The following KCNA6 variants were observed in gnomAD, a reference collection of about 807,000 sequenced individuals.
The protein encoded by KCNA6 is human brain potassium channel-2.
KCNA6 carries 17 observed loss-of-function variants against 29.5 expected under a neutral mutation model. The ratio of observed to expected loss-of-function variants is 0.58; its 90% CI spans 0.39 to 0.86. The LOEUF (loss-of-function observed/expected upper bound fraction) is 0.86. Ranked by LOEUF, KCNA6 falls within the 40% of genes least tolerant of loss-of-function variation. The pLI, the probability that KCNA6 is intolerant of heterozygous loss-of-function variation, is 0.00. For synonymous variants in KCNA6, 296 were observed against 304.7 expected (o/e 0.97, Z 0.30); for missense variants, 450 against 703.4 (o/e 0.64, Z 4.07).
At chr12:4,831,179 G>T in the KCNA6 span, among the ~76,000 whole-genome samples, 1 of 152,204 alleles carries the variant, frequency 6.6e-6, no homozygotes, top group African/African-American at 2.4e-5. Flanking sequence ...ATATGGGACC[G>T]ACGAGCTCTC....
the KCNA6 span, among the ~76,000 whole-genome samples, chr12:4,830,499 C>A: frequency 2.0e-5 from 3 of 152,316 alleles, no homozygotes; most frequent in African/African-American, 7.2e-5. Context: ...ACTCCGGACA[C>A]CTGGCCAATG....
Position 4,811,360 on chromosome 12 carries a change from C to T in KCNA6, c.1319C>T (p.Ser440Leu), listed in dbSNP as rs1348444167. 2.5e-6 allele frequency: 4 copies of T among 1,613,860 alleles called. No homozygotes were observed. Among genetic ancestry groups the T allele is most frequent in the Non-Finnish European group, 3.4e-6 (4 of 1,179,882 alleles). Residue 440 changes from serine to leucine, a missense_variant, in exon 1 of 1, where the codon TCG (serine) becomes TTG (leucine). Physicochemically the swap from Ser to Leu is moderately radical, Grantham distance 145 (BLOSUM62 -2). This residue lies in a region of KCNA6 where 57 missense variants were observed against 140.3 expected (regional missense o/e 0.41). Coordinates refer to ENST00000280684, the Ensembl canonical transcript of KCNA6. The surrounding 1 kb of genome is among the most constrained non-coding windows in gnomAD (Gnocchi z 7.1). ...ACTGTGGGGGGAAAGATCGTGGGCT[C>T]GCTGTGTGCCATCGCTGGGGTCCTC...
rs1421063498 is a variant in KCNA6 at position 4,811,741 on chromosome 12, C to G, written c.*110C>G. The G allele has an allele frequency of 3.9e-6, 5 of 1,273,482 alleles. No homozygotes were observed. The African/African-American group carries it at 4.5e-5, about 11-fold the overall frequency. The allele number at this position is 1,273,482 out of a possible 1,614,324, so 78.9% of individuals were successfully genotyped here. A position where few individuals can be genotyped will look rare whatever the true frequency, so the allele number is the denominator to read the frequency against. On this transcript the variant is annotated 3_prime_UTR_variant, in exon 1 of 1. Transcript: ENST00000280684. This position sits in a 1 kb window ranked among gnomAD's most constrained non-coding sequence, Gnocchi z 7.1. The stretch of plus-strand genomic sequence containing the variant: ...TTCAGTTGACTTCTTGACTCTCTCC[C>G]CTACACCCACTACCTGGCATCCAGG...
At chr12:4,838,652 G>A in the KCNA6 span, among the ~76,000 whole-genome samples, 9 of 152,200 alleles carry the variant, frequency 5.9e-5, no homozygotes, top group Non-Finnish European at 4.4e-5. Context: ...TACACTTGGA[G>A]GCTTCAATAA....
chr12:4,831,597 A>G, the KCNA6 span, among the ~76,000 whole-genome samples: 91 of 152,306 alleles, frequency 6.0e-4, no homozygotes, highest in Non-Finnish European at 1.1e-3. Flanking sequence ...GTAAATGCCA[A>G]AAAGAATTGG....
chr12:4,830,919 C>G, the KCNA6 span, among the ~76,000 whole-genome samples: 30 of 152,226 alleles, frequency 2.0e-4, no homozygotes, highest in Non-Finnish European at 4.4e-5. Flanking sequence ...GAAGCCACCC[C>G]CTAGCAGACT....
the KCNA6 span, among the ~76,000 whole-genome samples, chr12:4,831,305 G>A: frequency 6.6e-6 from 1 of 152,138 alleles, no homozygotes; most frequent in African/African-American, 2.4e-5. Flanking sequence ...GCATTGTCAG[G>A]CAGCTATCAG....
downstream of KCNA6, among the ~76,000 whole-genome samples, chr12:4,816,538 A>G (rs937814171): frequency 1.3e-5 from 2 of 152,134 alleles, no homozygotes; most frequent in African/African-American, 4.8e-5. Context: ...AAAAGTTCCC[A>G]CAAACTAAAA....
chr12:4,810,073 C>A lies in KCNA6; in HGVS notation c.32C>A (p.Ala11Glu). The change falls in exon 1 of 1, where the codon GCG becomes GAG. Residue 11 changes from alanine (A) to glutamate (E), a missense_variant. Ala to Glu is a moderately radical substitution (Grantham distance 107, BLOSUM62 -1). Around this residue, in one of 7 missense-constraint regions of KCNA6, gnomAD observed 72 missense variants for 64.2 expected, o/e 1.12. Coordinates refer to ENST00000280684, the Ensembl canonical transcript of KCNA6. This position sits in a 1 kb window ranked among gnomAD's most constrained non-coding sequence, Gnocchi z 7.5. ...TCGGAGAAATCCCTTACGCTGGCGG[C>A]GCCGGGGGAGGTCCGTGGGCCGGAG... 6.5e-7 allele frequency: 1 copy of A among 1,548,954 alleles called. No homozygotes were observed. The highest frequency in any genetic ancestry group is 1.4e-5 in the African/African-American group (1 of 73,736).
rs1400476551 is a variant in KCNA6 at position 4,811,558 on chromosome 12, G to A, written c.1517G>A (p.Arg506Gln). ...AAGCCTGACTTCCCCGAGGCTAACCGGGAACGGAGACCCAGCTACCTTCCT... is the reference window on the plus strand; with the variant it reads ...AAGCCTGACTTCCCCGAGGCTAACCAGGAACGGAGACCCAGCTACCTTCCT... The change falls in exon 1 of 1, where the codon CGG becomes CAG. Residue 506 changes from arginine to glutamine, a missense_variant. By Grantham distance (43) the Arg-to-Gln change is conservative. Coordinates refer to ENST00000280684, the Ensembl canonical transcript of KCNA6. The surrounding 1 kb of genome is among the most constrained non-coding windows in gnomAD (Gnocchi z 7.1). 12 of 1,614,072 alleles carry A rather than the reference G, an allele frequency of 7.4e-6. No individual in the cohort carries two copies. The highest frequency in any genetic ancestry group is 1.6e-4 in the Middle Eastern group (1 of 6,084).
chr12:4,811,358 C>T lies in KCNA6; in HGVS notation c.1317C>T (p.Gly439=), dbSNP rs61731170. The stretch of plus-strand genomic sequence containing the variant: ...TGACTGTGGGGGGAAAGATCGTGGG[C>T]TCGCTGTGTGCCATCGCTGGGGTCC... The change falls in exon 1 of 1, where the codon GGC becomes GGT. Residue 439 remains glycine, a synonymous_variant. Transcript: ENST00000280684. The surrounding 1 kb of genome is among the most constrained non-coding windows in gnomAD (Gnocchi z 7.1). 707 of 1,614,020 alleles carry T rather than the reference C, an allele frequency of 4.4e-4. 1 individual carries two copies. The highest frequency in any genetic ancestry group is 9.9e-4 in the Middle Eastern group (6 of 6,060).
chr12:4,827,787 C>G, the KCNA6 span, among the ~76,000 whole-genome samples: 1 of 152,210 alleles, frequency 6.6e-6, no homozygotes, highest in African/African-American at 2.4e-5. Context: ...CCACCAAGGT[C>G]CTGCTGCTTT....
At chr12:4,816,733 T>C (rs761309720), downstream of KCNA6, among the ~76,000 whole-genome samples, 2 of 152,208 alleles carry the variant, frequency 1.3e-5, no homozygotes, top group Admixed American at 6.5e-5. Context: ...ACAGTCGTTA[T>C]TGATGCTTAA....
chr12:4,847,390 C>T, the KCNA6 span, among the ~76,000 whole-genome samples: 14 of 152,116 alleles, frequency 9.2e-5, no homozygotes, highest in South Asian at 2.9e-3. Context: ...TTTGCCTGTT[C>T]TCTTTTTCTA....
exon 1 of KCNA6, chr12:4,813,297 C>A (rs1472754542): frequency 6.0e-6 from 1 of 167,028 alleles, no homozygotes; most frequent in Non-Finnish European, 1.5e-5. Context: ...TCAGTTTACC[C>A]ACCCATTAAA....
chr12:4,816,107 A>T (rs1157683446), downstream of KCNA6, among the ~76,000 whole-genome samples: 4 of 152,266 alleles, frequency 2.6e-5, no homozygotes, highest in African/African-American at 9.6e-5. Context: ...GTTTGGTCCT[A>T]TAAATCTAGA....
chr12:4,847,271 C>G, the KCNA6 span, among the ~76,000 whole-genome samples: 2 of 152,146 alleles, frequency 1.3e-5, no homozygotes, highest in Admixed American at 1.3e-4. Flanking sequence ...GTAGGTCTAT[C>G]TTTATCCATT....
rs1263623526 is a variant in KCNA6, at chr12:4,810,107, A to G, written c.66A>G (p.Gln22=). The change falls in exon 1 of 1, where the codon CAA becomes CAG. Residue 22 remains glutamine (Q), a synonymous_variant. Transcript: ENST00000280684. This position sits in a 1 kb window ranked among gnomAD's most constrained non-coding sequence, Gnocchi z 7.5. ...AGGTCCGTGGGCCGGAGGGAGAGCA[A>G]CAGGATGCGGGAGACTTCCCGGAGG... 1.9e-6 allele frequency: 3 copies of G among 1,579,856 alleles called. No individual in the cohort carries two copies. Among genetic ancestry groups the G allele is most frequent in the South Asian group, 1.2e-5 (1 of 84,902 alleles).
the KCNA6 span, among the ~76,000 whole-genome samples, chr12:4,828,063 G>C: frequency 6.6e-6 from 1 of 152,172 alleles, no homozygotes; most frequent in Non-Finnish European, 1.5e-5. Context: ...GAGACACTCA[G>C]TGTTGGAACT....
Sources: allele counts gnomAD v4.1 joint callset (sites outside exome capture counted in the v4.1 genomes callset), GRCh38; gene constraint gnomAD v4.1.1; regional missense constraint gnomAD v4.1.1; non-coding constraint Gnocchi (gnomAD v3.1); transcripts MANE v1.5; gene names NCBI Gene and HGNC (gene_info 2026-07-23, HGNC 2026-07-21).